Variants in TAOK3 observed in about 807,000 individuals in gnomAD.
The protein encoded by TAOK3 is TAO kinase 3.
A neutral mutation model predicts 120.4 loss-of-function variants in TAOK3; 40 were observed. The observed-to-expected ratio is 0.33, with a 90% CI of 0.26 to 0.43. TAOK3 has a LOEUF of 0.43. Among genes scored for constraint, TAOK3 ranks in the 20% least tolerant of loss-of-function variants. TAOK3 has a pLI of 1.00. For synonymous variants in TAOK3, 355 were observed against 387.5 expected (o/e 0.92, Z 0.99); for missense variants, 821 against 1,112.1 (o/e 0.74, Z 3.72).
intron 17 of TAOK3, among the ~76,000 whole-genome samples, chr12:118,169,448 C>G (rs2035858213): frequency 6.6e-6 from 1 of 150,528 alleles, no homozygotes; most frequent in African/African-American, 2.5e-5. Flanking sequence ...TCCCGAGTAG[C>G]TGGGATTACA....
At chr12:118,266,155 A>G (rs1437417540) in intron 2 of TAOK3, among the ~76,000 whole-genome samples, 1 of 152,120 alleles carries the variant, frequency 6.6e-6, no homozygotes. Context: ...GAGAAGAAAA[A>G]AAATTTTAGG....
intron 1 of TAOK3, among the ~76,000 whole-genome samples, chr12:118,367,529 T>C (rs575742598): frequency 1.9e-4 from 29 of 152,286 alleles, no homozygotes; most frequent in African/African-American, 6.0e-4. Flanking sequence ...ATATCACTTA[T>C]GTTTCTTTTA....
chr12:118,329,228 G>A (rs751054122), intron 1 of TAOK3, among the ~76,000 whole-genome samples: 1 of 152,046 alleles, frequency 6.6e-6, no homozygotes. Context: ...CTTTAAACTC[G>A]CTTTAAACTC....
intron 1 of TAOK3, among the ~76,000 whole-genome samples, chr12:118,311,797 G>T (rs543109153): frequency 6.6e-6 from 1 of 152,262 alleles, no homozygotes; most frequent in Admixed American, 6.5e-5. Context: ...AAGAAAAAAG[G>T]AACTCAATGA....
intron 9 of TAOK3, among the ~76,000 whole-genome samples, chr12:118,220,659 C>A (rs1276986028): frequency 2.0e-5 from 3 of 151,642 alleles, no homozygotes; most frequent in Non-Finnish European, 4.4e-5. Context: ...GATGAAAGAA[C>A]AAAAACACAA....
At chr12:118,325,710 C>T (rs1027942208) in intron 1 of TAOK3, among the ~76,000 whole-genome samples, 1 of 152,026 alleles carries the variant, frequency 6.6e-6, no homozygotes, top group African/African-American at 2.4e-5. Context: ...GATAGAGTCT[C>T]GCTGTCTCGC....
intron 3 of TAOK3, among the ~76,000 whole-genome samples, chr12:118,255,182 G>A (rs531930875): frequency 7.2e-5 from 11 of 152,270 alleles, no homozygotes; most frequent in African/African-American, 7.2e-5. Flanking sequence ...TTGCCTCTAC[G>A]GTAGATATCA....
intron 1 of TAOK3, among the ~76,000 whole-genome samples, chr12:118,309,319 A>G: frequency 7.2e-6 from 1 of 139,316 alleles, no homozygotes; most frequent in Non-Finnish European, 1.5e-5. Flanking sequence ...ACAGAGTGAG[A>G]CTGTCTCCAA....
At chr12:118,292,758 T>C (rs1282072526) in intron 1 of TAOK3, among the ~76,000 whole-genome samples, 1 of 152,208 alleles carries the variant, frequency 6.6e-6, no homozygotes, top group Non-Finnish European at 1.5e-5. Context: ...AGCCCCTCCA[T>C]CTAAAACTTT....
chr12:118,278,313 G>A (rs562451684), intron 1 of TAOK3, among the ~76,000 whole-genome samples: 1 of 152,148 alleles, frequency 6.6e-6, no homozygotes, highest in Non-Finnish European at 1.5e-5. Context: ...CCCTCAAGTA[G>A]GCCCTGGTGT....
intron 1 of TAOK3, among the ~76,000 whole-genome samples, chr12:118,361,231 C>T (rs1294664914): frequency 6.6e-6 from 1 of 152,104 alleles, no homozygotes; most frequent in Non-Finnish European, 1.5e-5. Flanking sequence ...CATCAAGCTT[C>T]CACTAGACTT....
At chr12:118,336,090 A>C (rs1424519236) in intron 1 of TAOK3, among the ~76,000 whole-genome samples, 1 of 152,228 alleles carries the variant, frequency 6.6e-6, no homozygotes, top group Non-Finnish European at 1.5e-5. Flanking sequence ...GACATAGGCA[A>C]GCTAAATCTG....
rs531606740 is a variant in TAOK3, at chr12:118,365,105, T to C, written c.-194+7543A>G. On this transcript the variant is annotated intron_variant, in intron 1 of 20. Transcript: ENST00000392533. ...AGCAGACATAGTAAAGGGGCCAAAA[T>C]AGGTGCCTAGATCTTTCCCAGTCTA... Among the ~76,000 whole-genome samples the C allele has an allele frequency of 1.8e-4, 27 of 152,330 alleles. No homozygotes were observed. In the South Asian group the frequency reaches 5.6e-3, roughly 32 times the overall value.
Position 118,172,582 on chromosome 12 carries a change from T to C in TAOK3, c.1774A>G (p.Thr592Ala). 1 of 1,614,250 alleles carries C rather than the reference T, an allele frequency of 6.2e-7. No individual in the cohort carries two copies. The highest frequency in any genetic ancestry group is 1.1e-5 in the South Asian group (1 of 91,092). The stretch of plus-strand genomic sequence containing the variant: ...AGGTGGGCTTCCTCTTCAGCCTGTG[T>C]GTGCTGCAAGTTCTCTTTATGTTTG... ...ISKHKENLQH[T>A]QAEEEAHLLT... Residue 592 changes from threonine (T) to alanine (A), a missense_variant, in exon 17 of 21, where the codon ACA (threonine) becomes GCA (alanine). This residue lies in a region of TAOK3 where 354 missense variants were observed against 572.1 expected (regional missense o/e 0.62). Coordinates refer to ENST00000392533, the MANE Select transcript of TAOK3 (RefSeq NM_016281.4).
rs749202017 is a variant in TAOK3, at chr12:118,152,442, C to A, written c.2353-33G>T. 35 of 1,575,970 alleles carry A rather than the reference C, an allele frequency of 2.2e-5. No homozygotes were observed. The Middle Eastern group carries it at 1.2e-3, about 56-fold the overall frequency. On this transcript the variant is annotated intron_variant, in intron 19 of 20. Coordinates refer to ENST00000392533, the MANE Select transcript of TAOK3 (RefSeq NM_016281.4). ...CACAGAAGACACACACGGTCATGCACCCTTGCCTACAGCCCTTGGTGGCCT... is the reference window on the plus strand; with the variant it reads ...CACAGAAGACACACACGGTCATGCAACCTTGCCTACAGCCCTTGGTGGCCT...
intron 1 of TAOK3, among the ~76,000 whole-genome samples, chr12:118,295,745 C>T (rs1307339751): frequency 6.6e-6 from 1 of 152,182 alleles, no homozygotes; most frequent in Admixed American, 6.5e-5. Context: ...TCTCTAGGTT[C>T]TAGTCCTGTT....
intron 1 of TAOK3, among the ~76,000 whole-genome samples, chr12:118,321,303 G>A (rs188775990): frequency 1.3e-5 from 2 of 152,016 alleles, no homozygotes; most frequent in Admixed American, 6.5e-5. Flanking sequence ...CTCTGTCGCC[G>A]AAGCTGGAGT....
At chr12:118,201,251 A>T (rs765323025) in intron 12 of TAOK3, 45 bp downstream of exon 12, 1 of 1,552,994 alleles carries the variant, frequency 6.4e-7, no homozygotes, top group East Asian at 2.2e-5. Context: ...ACTTTTTCAC[A>T]TAGTGGGCAT....
rs372043392 is a variant in TAOK3, at chr12:118,371,680, C to T, written c.-194+968G>A. On this transcript the variant is annotated intron_variant, in intron 1 of 20. Transcript: ENST00000392533. This position sits in a 1 kb window ranked among gnomAD's most constrained non-coding sequence, Gnocchi z 5.5. ...TGCGACCCAGGCTCCCCGCCGCAGC[C>T]GTTCTTGGGGGGGCTCCCGCAACTC... Among the ~76,000 whole-genome samples the T allele has an allele frequency of 1.2e-3, 180 of 152,252 alleles. No individual in the cohort carries two copies. The highest frequency in any genetic ancestry group is 3.8e-3 in the African/African-American group (158 of 41,576).
Sources: allele counts gnomAD v4.1 joint callset (sites outside exome capture counted in the v4.1 genomes callset), GRCh38; gene constraint gnomAD v4.1.1; regional missense constraint gnomAD v4.1.1; non-coding constraint Gnocchi (gnomAD v3.1); transcripts MANE v1.5; gene names NCBI Gene and HGNC (gene_info 2026-07-23, HGNC 2026-07-21).